PIGK: variants seen among roughly 807,000 people sequenced by gnomAD.
The protein encoded by PIGK is phosphatidylinositol glycan anchor biosynthesis class K.
Under a neutral mutation model 50.6 loss-of-function variants are expected in PIGK, and 42 were observed. That is an observed-to-expected ratio of 0.83 (90% CI 0.65 to 1.07). The LOEUF is 1.07. PIGK is among the 50% of genes least tolerant of loss of function. The probability of loss-of-function intolerance (pLI) is 0.00; values close to 1 mark genes in which losing one functional copy is unlikely to be tolerated. For synonymous variants in PIGK, 151 were observed against 156.0 expected (o/e 0.97, Z 0.24); for missense variants, 448 against 488.7 (o/e 0.92, Z 0.78).
intron 10 of PIGK, among the ~76,000 whole-genome samples, chr1:77,114,447 G>C (rs919893368): frequency 6.6e-6 from 1 of 152,038 alleles, no homozygotes; most frequent in East Asian, 1.9e-4. Flanking sequence ...ACTATTCTTA[G>C]TTTAAAAATC....
chr1:77,179,065 A>G (rs1446026538), intron 3 of PIGK, among the ~76,000 whole-genome samples: 1 of 152,212 alleles, frequency 6.6e-6, no homozygotes, highest in Non-Finnish European at 1.5e-5. Flanking sequence ...GCTAAATGGG[A>G]CAATAAAACT....
At chr1:77,203,862 C>T (rs1284994929) in intron 3 of PIGK, among the ~76,000 whole-genome samples, 1 of 152,140 alleles carries the variant, frequency 6.6e-6, no homozygotes, top group South Asian at 2.1e-4. Context: ...ATTTCCTATG[C>T]CTGTCTTTAG....
intron 10 of PIGK, among the ~76,000 whole-genome samples, chr1:77,094,818 G>A (rs1653371842): frequency 6.6e-6 from 1 of 152,016 alleles, no homozygotes; most frequent in Admixed American, 6.6e-5. Flanking sequence ...ACTTCATTCT[G>A]GTCTTTCAAC....
At chr1:77,150,375 G>C (rs1654868590) in intron 9 of PIGK, among the ~76,000 whole-genome samples, 1 of 151,444 alleles carries the variant, frequency 6.6e-6, no homozygotes, top group Admixed American at 6.6e-5. Flanking sequence ...AAAGAAATTA[G>C]CCTGGTGTGG....
intron 10 of PIGK, among the ~76,000 whole-genome samples, chr1:77,111,339 A>G (rs1653836307): frequency 1.3e-5 from 2 of 152,280 alleles, no homozygotes; most frequent in South Asian, 2.1e-4. Flanking sequence ...TCACAATAGC[A>G]AAGACTTGGA....
chr1:77,167,098 T>C (rs1655251590), intron 4 of PIGK, among the ~76,000 whole-genome samples: 1 of 152,182 alleles, frequency 6.6e-6, no homozygotes, highest in Non-Finnish European at 1.5e-5. Flanking sequence ...ACTCAGCACT[T>C]TGTGAGGCAA....
chr1:77,171,657 TAATC>T (rs1655365605), intron 3 of PIGK, among the ~76,000 whole-genome samples: 2 of 151,988 alleles, frequency 1.3e-5, no homozygotes, highest in Non-Finnish European at 2.9e-5. Context: ...CCTGTTAACA[TAATC>T]AATATATTAT....
Position 77,201,879 on chromosome 1 carries a change from A to G in PIGK, c.239+4761T>C, listed in dbSNP as rs190058041. Among the ~76,000 whole-genome samples, 82 of 152,188 alleles carry G rather than the reference A, an allele frequency of 5.4e-4. 1 individual carries two copies. Among genetic ancestry groups the G allele is most frequent in the Admixed American group, 4.8e-3 (74 of 15,278 alleles). On this transcript the variant is annotated intron_variant, in intron 3 of 10. Coordinates refer to ENST00000370812, the MANE Select transcript of PIGK (RefSeq NM_005482.3). ...CAAGAACAGCCTGGGCACCATTGTG[A>G]GACATCAACTCTACAAAAAAATTAA...
intron 9 of PIGK, among the ~76,000 whole-genome samples, chr1:77,148,333 A>G (rs1654815786): frequency 6.6e-6 from 1 of 152,210 alleles, no homozygotes; most frequent in Admixed American, 6.5e-5. Context: ...TACACCAATA[A>G]TTATGAAGCC....
chr1:77,215,813 A>G (rs1166007038), intron 1 of PIGK, among the ~76,000 whole-genome samples: 5 of 152,214 alleles, frequency 3.3e-5, no homozygotes, highest in African/African-American at 9.6e-5. Flanking sequence ...GGAGGAAATT[A>G]CATTAAGTGA....
chr1:77,183,402 C>T (rs1655666644), intron 3 of PIGK, among the ~76,000 whole-genome samples: 1 of 152,140 alleles, frequency 6.6e-6, no homozygotes, highest in South Asian at 2.1e-4. Context: ...AACGGCCTCC[C>T]CTGAGGCAGT....
chr1:77,122,347 G>C lies in PIGK; in HGVS notation c.999C>G (p.Asp333Glu). ...GTTCCATTAGTTTCTCATCCATCTGGTCTTCCTTATAGCTGGAAAAGATAA... is the reference window on the plus strand; with the variant it reads ...GTTCCATTAGTTTCTCATCCATCTGCTCTTCCTTATAGCTGGAAAAGATAA... The part of the protein sequence containing the change: ...SEIMESSYKE[D>E]QMDEKLMEPL... Residue 333 changes from aspartate (D) to glutamate (E), a missense_variant, in exon 10 of 11, where the codon GAC (aspartate) becomes GAG (glutamate). By Grantham distance (45) the Asp-to-Glu change is conservative. Transcript: ENST00000370812. The C allele has an allele frequency of 6.3e-7, 1 of 1,592,370 alleles. No homozygotes were observed.
intron 10 of PIGK, among the ~76,000 whole-genome samples, chr1:77,117,857 C>T (rs891472003): frequency 5.9e-5 from 9 of 152,224 alleles, no homozygotes; most frequent in Admixed American, 1.3e-4. Flanking sequence ...ACCTGTCATG[C>T]TTAACTAATT....
intron 1 of PIGK, among the ~76,000 whole-genome samples, chr1:77,216,148 T>C (rs1164991708): frequency 2.0e-5 from 3 of 152,172 alleles, no homozygotes; most frequent in Non-Finnish European, 2.9e-5. Flanking sequence ...GATATGCTGA[T>C]TACTCTGATT....
At chr1:77,211,799 T>G (rs1371042819) in intron 1 of PIGK, among the ~76,000 whole-genome samples, 2 of 145,562 alleles carry the variant, frequency 1.4e-5, no homozygotes, top group Non-Finnish European at 1.5e-5. Context: ...TGAGGTTTCT[T>G]TCTTTCTTTT....
intron 3 of PIGK, among the ~76,000 whole-genome samples, chr1:77,181,773 T>C (rs998088489): frequency 2.0e-5 from 3 of 152,206 alleles, no homozygotes; most frequent in East Asian, 1.9e-4. Flanking sequence ...TCTACAGCAA[T>C]GTAATTAGGT....
At chr1:77,120,473 G>A (rs981656849) in intron 10 of PIGK, among the ~76,000 whole-genome samples, 1 of 152,118 alleles carries the variant, frequency 6.6e-6, no homozygotes, top group African/African-American at 2.4e-5. Context: ...ATCCACCTCA[G>A]CCTCCCAAAG....
intron 3 of PIGK, among the ~76,000 whole-genome samples, chr1:77,204,406 T>C (rs914254375): frequency 1.3e-5 from 2 of 152,126 alleles, no homozygotes; most frequent in Admixed American, 1.3e-4. Context: ...CAGTGGGACA[T>C]GAAACTTCAT....
chr1:77,126,003 G>T (rs1419471593), intron 9 of PIGK, among the ~76,000 whole-genome samples: 1 of 151,720 alleles, frequency 6.6e-6, no homozygotes, highest in Non-Finnish European at 1.5e-5. Flanking sequence ...GATGATTTTT[G>T]TCTTTTTTCA....
Sources: allele counts gnomAD v4.1 joint callset (sites outside exome capture counted in the v4.1 genomes callset), GRCh38; gene constraint gnomAD v4.1.1; transcripts MANE v1.5; gene names NCBI Gene and HGNC (gene_info 2026-07-23, HGNC 2026-07-21).